GRID2: variants seen among roughly 807,000 people sequenced by gnomAD.
GRID2 encodes glutamate receptor ionotropic, delta-2.
In GRID2, 33 loss-of-function variants were observed where a neutral mutation model predicts 114.8. The ratio of observed to expected loss-of-function variants is 0.29; its 90% CI spans 0.22 to 0.38. GRID2 has a LOEUF of 0.38. Ranked by LOEUF, GRID2 falls within the 10% of genes least tolerant of loss-of-function variation. The pLI, the probability that GRID2 is intolerant of heterozygous loss-of-function variation, is 1.00. For missense variants in GRID2, 1,184 were observed against 1,257.7 expected (o/e 0.94, Z 0.89); for synonymous variants, 505 against 449.9 (o/e 1.12, Z -1.55).
At chr4:92,450,456 TTA>T (rs1720841497) in intron 1 of GRID2, among the ~76,000 whole-genome samples, 1 of 152,150 alleles carries the variant, frequency 6.6e-6, no homozygotes, top group Non-Finnish European at 1.5e-5. Flanking sequence ...AGGTCCATTT[TTA>T]TCTCATTCAT....
intron 3 of GRID2, among the ~76,000 whole-genome samples, chr4:93,104,044 TC>T (rs1487867847): frequency 1.3e-5 from 2 of 152,026 alleles, no homozygotes; most frequent in Non-Finnish European, 2.9e-5. Flanking sequence ...CAACTTTCTC[TC>T]CCCGGCTAGT....
intron 2 of GRID2, among the ~76,000 whole-genome samples, chr4:92,796,111 TTCTC>T (rs1191737748): frequency 1.3e-5 from 2 of 151,942 alleles, no homozygotes; most frequent in Non-Finnish European, 2.9e-5. Context: ...TTCCATGATG[TTCTC>T]TCTATTAGGA....
intron 11 of GRID2, among the ~76,000 whole-genome samples, chr4:93,484,933 G>A (rs1464844881): frequency 6.6e-6 from 1 of 151,704 alleles, no homozygotes; most frequent in Admixed American, 6.6e-5. Context: ...TCATCTAGTG[G>A]GTATGTACCT....
intron 14 of GRID2, among the ~76,000 whole-genome samples, chr4:93,720,765 TA>T (rs1729296303): frequency 6.6e-6 from 1 of 152,154 alleles, no homozygotes; most frequent in African/African-American, 2.4e-5. Flanking sequence ...AGTAATCTCA[TA>T]AAATGTAGAG....
chr4:93,408,249 A>G (rs114309310), intron 9 of GRID2, among the ~76,000 whole-genome samples: 1,894 of 152,288 alleles, frequency 0.012, 45 homozygotes, highest in African/African-American at 0.043. Context: ...CTCAGGGAAG[A>G]TGCACTTCGA....
At chr4:93,206,912 C>T (rs1446887704) in intron 4 of GRID2, among the ~76,000 whole-genome samples, 2 of 151,968 alleles carry the variant, frequency 1.3e-5, no homozygotes, top group South Asian at 2.1e-4. Flanking sequence ...CAGGAGAATA[C>T]AGAGCAGTTT....
rs147082888 is a variant in GRID2 at position 92,373,547 on chromosome 4, C to T, written c.88+68803C>T. 3.1e-4 allele frequency among the ~76,000 whole-genome samples: 47 copies of T among 152,232 alleles called. No homozygotes were observed. In the East Asian group the frequency reaches 5.0e-3, roughly 16 times the overall value. On this transcript the variant is annotated intron_variant, in intron 1 of 15. Coordinates refer to ENST00000282020, the MANE Select transcript of GRID2 (RefSeq NM_001510.4). ...CAAATACTTCTAACTACAAATGTCA[C>T]GACAAAATAATTTCATGCCGGATAT...
Position 93,131,619 on chromosome 4 carries a change from T to TA in GRID2, c.735+20667dup, listed in dbSNP as rs1560912273. On this transcript the variant is annotated intron_variant, in intron 4 of 15. Transcript: ENST00000282020. ...ATTAAAAATTTTATTTAAATTTTTT[T>TA]ATTTTTATTTTTAATTTTTATAGAT... 3.8e-4 allele frequency among the ~76,000 whole-genome samples: 58 copies of TA among 151,744 alleles called. 1 individual carries two copies. The highest frequency in any genetic ancestry group is 5.5e-4 in the Non-Finnish European group (37 of 67,888).
At chr4:92,886,480 A>G (rs1277483111) in intron 2 of GRID2, among the ~76,000 whole-genome samples, 1 of 152,140 alleles carries the variant, frequency 6.6e-6, no homozygotes, top group Non-Finnish European at 1.5e-5. Context: ...AATGAAATAT[A>G]ATGAAATGAG....
chr4:92,895,263 C>T (rs67869464), intron 2 of GRID2, among the ~76,000 whole-genome samples: 84,947 of 150,760 alleles, frequency 0.56, 25,115 homozygotes, highest in Middle Eastern at 0.74. Context: ...AAGATGTAAT[C>T]TGAGCCTCTG....
At chr4:93,647,889 A>G (rs745486437) in intron 14 of GRID2, among the ~76,000 whole-genome samples, 10 of 152,212 alleles carry the variant, frequency 6.6e-5, no homozygotes, top group Non-Finnish European at 1.2e-4. Context: ...ATTAAGTGCC[A>G]GCTACTTTTC....
intron 5 of GRID2, among the ~76,000 whole-genome samples, chr4:93,211,178 A>T (rs1743428608): frequency 6.6e-6 from 1 of 152,042 alleles, no homozygotes; most frequent in Non-Finnish European, 1.5e-5. Flanking sequence ...AAAAGTATAA[A>T]CTGAAATAGA....
chr4:93,777,409 CA>C (rs1018953330), downstream of GRID2, among the ~76,000 whole-genome samples: 3 of 152,134 alleles, frequency 2.0e-5, no homozygotes, highest in African/African-American at 7.2e-5. Context: ...TGACTTGCTA[CA>C]ATTTAGGACT....
chr4:92,410,567 A>G (rs911770903), intron 1 of GRID2, among the ~76,000 whole-genome samples: 4 of 152,174 alleles, frequency 2.6e-5, no homozygotes, highest in Non-Finnish European at 4.4e-5. Context: ...CAGTTTTCAT[A>G]CAGAAGCAAC....
chr4:92,962,630 G>A (rs1752897359), intron 2 of GRID2, among the ~76,000 whole-genome samples: 1 of 151,786 alleles, frequency 6.6e-6, no homozygotes, highest in African/African-American at 2.4e-5. Flanking sequence ...TTTCAAAATG[G>A]TTACTTTCTC....
intron 2 of GRID2, among the ~76,000 whole-genome samples, chr4:92,619,289 G>A (rs906397852): frequency 9.9e-5 from 15 of 151,644 alleles, no homozygotes; most frequent in Admixed American, 8.6e-4. Context: ...GTCTTATGTT[G>A]GAGAAGCAAT....
intron 1 of GRID2, among the ~76,000 whole-genome samples, chr4:92,395,236 G>T (rs1017481356): frequency 2.6e-5 from 4 of 151,508 alleles, no homozygotes; most frequent in African/African-American, 9.7e-5. Flanking sequence ...TAAAAATTAT[G>T]ATTTTGGAGA....
intron 2 of GRID2, among the ~76,000 whole-genome samples, chr4:93,067,749 G>T (rs1177519706): frequency 1.3e-5 from 2 of 151,500 alleles, no homozygotes; most frequent in African/African-American, 2.4e-5. Flanking sequence ...TATTAAGCAG[G>T]GACACTGTGC....
At chr4:93,634,511 GCAT>G (rs1403067376) in intron 14 of GRID2, among the ~76,000 whole-genome samples, 4 of 152,130 alleles carry the variant, frequency 2.6e-5, no homozygotes. Flanking sequence ...TCTGTGCATT[GCAT>G]TTCATAAATT....
Sources: gnomAD v4.1 joint callset for allele counts (sites outside exome capture counted in the v4.1 genomes callset) on GRCh38, gnomAD v4.1.1 for gene constraint, MANE v1.5 for transcripts, NCBI Gene and HGNC (gene_info 2026-07-23, HGNC 2026-07-21) for gene names.